Variants in ANGPT1 observed in about 807,000 individuals in gnomAD.
ANGPT1 encodes the protein angiopoietin 1.
In ANGPT1, 17 loss-of-function variants were observed where a neutral mutation model predicts 62.2. That is an observed-to-expected ratio of 0.27 (90% CI 0.19 to 0.41). ANGPT1 has a LOEUF of 0.41. Among genes scored for constraint, ANGPT1 ranks in the 10% least tolerant of loss-of-function variants. The probability of loss-of-function intolerance (pLI) is 1.00; values close to 1 mark genes in which losing one functional copy is unlikely to be tolerated. For missense variants in ANGPT1, 478 were observed against 594.9 expected (o/e 0.80, Z 2.04); for synonymous variants, 199 against 198.9 (o/e 1.00, Z 0.00).
intron 1 of ANGPT1, among the ~76,000 whole-genome samples, chr8:107,419,014 G>A (rs991036734): frequency 6.6e-6 from 1 of 152,152 alleles, no homozygotes; most frequent in African/African-American, 2.4e-5. Context: ...GTATCCTAAA[G>A]CCAAGAACAA....
intron 1 of ANGPT1, among the ~76,000 whole-genome samples, chr8:107,381,881 C>G (rs1344059493): frequency 6.6e-6 from 1 of 152,202 alleles, no homozygotes; most frequent in Non-Finnish European, 1.5e-5. Flanking sequence ...AATGCTGCTT[C>G]TTTGCCTGGT....
At chr8:107,365,188 A>G (rs987160378) in intron 1 of ANGPT1, among the ~76,000 whole-genome samples, 5 of 152,234 alleles carry the variant, frequency 3.3e-5, no homozygotes, top group African/African-American at 1.2e-4. Flanking sequence ...ATTTCAAGTT[A>G]CTGATGATAC....
At position 107,403,887 on chromosome 8, in the gene ANGPT1, TGAA is replaced by T. The variant is rs1817094827; in HGVS notation, c.298-56793_298-56791del. Among the ~76,000 whole-genome samples, 4 of 152,100 alleles carry T rather than the reference TGAA, an allele frequency of 2.6e-5. No individual in the cohort carries two copies. In the South Asian group the frequency reaches 8.3e-4, roughly 32 times the overall value. ...CAAAATTTGTTTTGCATTACTGTCA[TGAA>T]GAAATGAAAGACAAGAAAGAAATCA... On this transcript the variant is annotated intron_variant, in intron 1 of 8. Transcript: ENST00000517746.
chr8:107,251,952 T>A lies in ANGPT1; in HGVS notation c.1400A>T (p.Asn467Ile), dbSNP rs1222259135. 6.2e-6 allele frequency: 10 copies of A among 1,613,776 alleles called. No individual in the cohort carries two copies. In the Admixed American group the frequency reaches 8.3e-5, roughly 13 times the overall value. ...CTTTATCCCATTCAGTTTTCCATGG[T>A]TTTGTCCCGCAGTATAGAACATTCC... ...LNGMFYTAGQ[N>I]HGKLNGIKWH... Residue 467 changes from asparagine to isoleucine, a missense_variant, in exon 9 of 9, where the codon AAC (asparagine) becomes ATC (isoleucine). By Grantham distance (149) the Asn-to-Ile change is moderately radical (BLOSUM62 -3). This residue lies in a region of ANGPT1 where 35 missense variants were observed against 49.6 expected (regional missense o/e 0.71). Transcript: ENST00000517746.
intron 1 of ANGPT1, among the ~76,000 whole-genome samples, chr8:107,425,514 A>G (rs1329304389): frequency 1.3e-5 from 2 of 152,176 alleles, no homozygotes; most frequent in East Asian, 1.9e-4. Context: ...TCTTCCCGGC[A>G]TGCTTATCTT....
At chr8:107,428,389 AC>A (rs1563618263) in intron 1 of ANGPT1, among the ~76,000 whole-genome samples, 1 of 152,148 alleles carries the variant, frequency 6.6e-6, no homozygotes, top group Non-Finnish European at 1.5e-5. Context: ...CCCCCATGAG[AC>A]TTTTTAATGC....
In ANGPT1 at chr8:107,251,704, C is replaced by T. The variant is rs184701999; in HGVS notation, c.*151G>A. On this transcript the variant is annotated 3_prime_UTR_variant, in exon 9 of 9. Coordinates refer to ENST00000517746, the MANE Select transcript of ANGPT1 (RefSeq NM_001146.5). ...GTGAACTCAAACGGCTCCAGATTCACGGTCAAGAACCTTGGTGACTTCACA... is the reference window on the plus strand; with the variant it reads ...GTGAACTCAAACGGCTCCAGATTCATGGTCAAGAACCTTGGTGACTTCACA... 3.9e-5 allele frequency: 38 copies of T among 970,602 alleles called. No individual in the cohort carries two copies. The highest frequency in any genetic ancestry group is 8.5e-5 in the Admixed American group (3 of 35,212). 60.1% of individuals were successfully genotyped at this position (970,602 alleles called of 1,614,324 possible).
At chr8:107,302,746 A>T (rs938772296) in intron 5 of ANGPT1, among the ~76,000 whole-genome samples, 1 of 152,078 alleles carries the variant, frequency 6.6e-6, no homozygotes. Flanking sequence ...TCTTTTATGT[A>T]AATATGGAAA....
rs774458486 is a variant in ANGPT1, at chr8:107,322,092, T to C, written c.612A>G (p.Lys204=). Residue 204 remains lysine, a synonymous_variant, in exon 4 of 9, where the codon AAA becomes AAG. Coordinates refer to ENST00000517746, the MANE Select transcript of ANGPT1 (RefSeq NM_001146.5). The part of the protein sequence containing the change: ...LEHKILEMEG[K]HKEELDTLKE... The stretch of plus-strand genomic sequence containing the variant: ...TTAAGGTGTCCAACTCTTCCTTGTG[T>C]TTTCCTTCCATTTCTAAGATTTTAT... 6.2e-7 allele frequency: 1 copy of C among 1,613,644 alleles called. No homozygotes were observed. Among genetic ancestry groups the C allele is most frequent in the Non-Finnish European group, 8.5e-7 (1 of 1,179,770 alleles).
chr8:107,403,701 G>A (rs1218367654), intron 1 of ANGPT1, among the ~76,000 whole-genome samples: 5 of 152,022 alleles, frequency 3.3e-5, no homozygotes, highest in Non-Finnish European at 7.4e-5. Flanking sequence ...TTTTAAATTA[G>A]CATAAGATGC....
intron 3 of ANGPT1, among the ~76,000 whole-genome samples, chr8:107,333,234 C>T (rs1426200408): frequency 6.6e-6 from 1 of 152,018 alleles, no homozygotes; most frequent in Non-Finnish European, 1.5e-5. Flanking sequence ...TACTCCATCA[C>T]ACACATTAGG....
intron 1 of ANGPT1, among the ~76,000 whole-genome samples, chr8:107,416,026 CT>C (rs1810731918): frequency 6.6e-6 from 1 of 152,118 alleles, no homozygotes; most frequent in Admixed American, 6.5e-5. Context: ...CACAAACTCT[CT>C]TTTCTCTGCT....
intron 7 of ANGPT1, among the ~76,000 whole-genome samples, chr8:107,281,773 C>T (rs553218244): frequency 2.6e-4 from 39 of 152,102 alleles, no homozygotes; most frequent in Non-Finnish European, 7.4e-5. Flanking sequence ...AGTGAGACTC[C>T]GTCTCAAAAA....
chr8:107,322,002 T>C lies in ANGPT1; in HGVS notation c.702A>G (p.Glu234=). 1 of 1,614,030 alleles carries C rather than the reference T, an allele frequency of 6.2e-7. No individual in the cohort carries two copies. The highest frequency in any genetic ancestry group is 8.5e-7 in the Non-Finnish European group (1 of 1,179,920). ...TGGTGGTAGCTCTGTTTAATTGCTT[T>C]TCCAGCTCCTGGATTATATATGTTT... The part of the protein sequence containing the change: ...TRQTYIIQEL[E]KQLNRATTNN... Residue 234 remains glutamate, a synonymous_variant, in exon 4 of 9, where the codon GAA becomes GAG. Transcript: ENST00000517746.
chr8:107,461,981 G>C (rs1812083286), intron 1 of ANGPT1, among the ~76,000 whole-genome samples: 1 of 151,994 alleles, frequency 6.6e-6, no homozygotes, highest in Non-Finnish European at 1.5e-5. Flanking sequence ...ACATTTATGT[G>C]GTCAAAGCTT....
intron 1 of ANGPT1, among the ~76,000 whole-genome samples, chr8:107,419,036 T>C (rs1047339571): frequency 6.6e-5 from 10 of 152,198 alleles, no homozygotes; most frequent in African/African-American, 2.4e-4. Context: ...CTGATATGTG[T>C]ACATGTATCA....
Position 107,430,998 on chromosome 8 carries a change from C to T in ANGPT1, c.297+66264G>A, listed in dbSNP as rs532030915. 5.9e-5 allele frequency among the ~76,000 whole-genome samples: 9 copies of T among 152,264 alleles called. No individual in the cohort carries two copies. The South Asian group carries it at 1.9e-3, about 32-fold the overall frequency. Reference sequence around the variant, plus strand: ...ATTCTTGAGTTTCTAAGTTAAACTTCCTGGATTCAAAGCTCAGCTCTGTAC... The same window carrying T: ...ATTCTTGAGTTTCTAAGTTAAACTTTCTGGATTCAAAGCTCAGCTCTGTAC... On this transcript the variant is annotated intron_variant, in intron 1 of 8. Coordinates refer to ENST00000517746, the MANE Select transcript of ANGPT1 (RefSeq NM_001146.5).
At chr8:107,361,654 A>G (rs1487530808) in intron 1 of ANGPT1, among the ~76,000 whole-genome samples, 1 of 146,384 alleles carries the variant, frequency 6.8e-6, no homozygotes, top group Non-Finnish European at 1.5e-5. Context: ...TATATATTAT[A>G]TATCAATATA....
At chr8:107,436,022 C>G (rs1028158838) in intron 1 of ANGPT1, among the ~76,000 whole-genome samples, 34 of 152,158 alleles carry the variant, frequency 2.2e-4, no homozygotes, top group African/African-American at 8.0e-4. Flanking sequence ...CTCACCTCAG[C>G]CTCCCGAGAA....
Sources: allele counts gnomAD v4.1 joint callset (sites outside exome capture counted in the v4.1 genomes callset), GRCh38; gene constraint gnomAD v4.1.1; regional missense constraint gnomAD v4.1.1; transcripts MANE v1.5; gene names NCBI Gene and HGNC (gene_info 2026-07-23, HGNC 2026-07-21).